OSBPL1A: variants seen among roughly 807,000 people sequenced by gnomAD.
OSBPL1A encodes the protein oxysterol binding protein like 1A.
In OSBPL1A, 80 loss-of-function variants were observed where a neutral mutation model predicts 137.1. The observed-to-expected ratio is 0.58, with a 90% confidence interval of 0.49 to 0.70. OSBPL1A has a LOEUF of 0.70. Among genes scored for constraint, OSBPL1A ranks in the 30% least tolerant of loss-of-function variants. OSBPL1A has a pLI of 0.00. For synonymous variants in OSBPL1A, 365 were observed against 389.7 expected (o/e 0.94, Z 0.75); for missense variants, 970 against 1,129.4 (o/e 0.86, Z 2.02).
At chr18:24,170,207 G>A (rs2086241522) in intron 24 of OSBPL1A, 120 bp downstream of exon 24, 1 of 1,136,396 alleles carries the variant, frequency 8.8e-7, no homozygotes, top group Non-Finnish European at 1.3e-6. Context: ...AAAGTGACAT[G>A]CATTAGCAAC....
intron 5 of OSBPL1A, among the ~76,000 whole-genome samples, chr18:24,334,887 T>C (rs2091147026): frequency 6.6e-6 from 1 of 152,152 alleles, no homozygotes; most frequent in East Asian, 1.9e-4. Flanking sequence ...CAGGACATTG[T>C]AGATGTATAT....
intron 17 of OSBPL1A, among the ~76,000 whole-genome samples, chr18:24,210,019 A>C (rs1298230458): frequency 6.6e-6 from 1 of 152,266 alleles, no homozygotes; most frequent in East Asian, 1.9e-4. Flanking sequence ...TATAAAAATT[A>C]TACTGCAACC....
At chr18:24,237,741 A>C (rs1012825034) in intron 16 of OSBPL1A, among the ~76,000 whole-genome samples, 2 of 152,194 alleles carry the variant, frequency 1.3e-5, no homozygotes, top group South Asian at 2.1e-4. Context: ...CCCATAGAAG[A>C]AGCGCCACTG....
intron 4 of OSBPL1A, among the ~76,000 whole-genome samples, chr18:24,343,470 C>A (rs951462314): frequency 6.6e-6 from 1 of 152,074 alleles, no homozygotes; most frequent in Admixed American, 6.6e-5. Context: ...AACAGAAAAT[C>A]CCATCCTAAA....
At chr18:24,243,142 G>T (rs1008513607) in intron 15 of OSBPL1A, among the ~76,000 whole-genome samples, 1 of 152,046 alleles carries the variant, frequency 6.6e-6, no homozygotes, top group Non-Finnish European at 1.5e-5. Flanking sequence ...CAGAAGAATC[G>T]CTTGAACCCT....
At chr18:24,277,149 G>A (rs138965765) in intron 15 of OSBPL1A, among the ~76,000 whole-genome samples, 2 of 152,180 alleles carry the variant, frequency 1.3e-5, no homozygotes, top group East Asian at 3.9e-4. Context: ...CAGGCCATTT[G>A]GTAGAAAAAC....
chr18:24,163,321 T>C (rs764669916), intron 27 of OSBPL1A, 40 bp from the exon 28 acceptor site: 3 of 1,439,462 alleles, frequency 2.1e-6, no homozygotes, highest in South Asian at 1.2e-5. Flanking sequence ...GGGGAAACTA[T>C]GGAAAATCAC....
At chr18:24,179,691 C>T in intron 20 of OSBPL1A, 47 bp downstream of exon 20, 1 of 1,489,900 alleles carries the variant, frequency 6.7e-7, no homozygotes, top group Non-Finnish European at 9.4e-7. Flanking sequence ...TGTATTTCTC[C>T]TCTTCATCTG....
intron 14 of OSBPL1A, among the ~76,000 whole-genome samples, chr18:24,303,012 T>TGA (rs898149555): frequency 1.3e-5 from 2 of 151,974 alleles, no homozygotes; most frequent in South Asian, 2.1e-4. Flanking sequence ...TCTGTGTGTG[T>TGA]GAGAGAGAGA....
chr18:24,337,961 A>G (rs2091203939), intron 5 of OSBPL1A, among the ~76,000 whole-genome samples: 1 of 152,130 alleles, frequency 6.6e-6, no homozygotes, highest in African/African-American at 2.4e-5. Flanking sequence ...AATATGTAAC[A>G]GTCTCAACCA....
Position 24,225,075 on chromosome 18 carries a change from C to T in OSBPL1A, c.1568G>A (p.Gly523Glu). The stretch of plus-strand genomic sequence containing the variant: ...CTTGATGCCATTGGAGAGAGCATCT[C>T]CGCCACCACAGTCTTTTTCTTCGGA... ...RMSEEKDCGG[G>E]DALSNGIKKH... The change falls in exon 17 of 28, where the codon GGA (glycine) becomes GAA (glutamate). Residue 523 changes from glycine to glutamate, a missense_variant. Physicochemically the swap from Gly to Glu is moderately conservative, Grantham distance 98. Transcript: ENST00000319481. 1 of 1,614,176 alleles carries T rather than the reference C, an allele frequency of 6.2e-7. No individual in the cohort carries two copies. Among genetic ancestry groups the T allele is most frequent in the Non-Finnish European group, 8.5e-7 (1 of 1,180,018 alleles).
chr18:24,354,080 T>A (rs867707773), intron 4 of OSBPL1A, among the ~76,000 whole-genome samples: 55 of 151,362 alleles, frequency 3.6e-4, no homozygotes, highest in South Asian at 4.2e-4. Context: ...TAATAAAATT[T>A]AAAAAAAGAA....
chr18:24,248,788 G>C (rs1203228691), intron 15 of OSBPL1A, among the ~76,000 whole-genome samples: 1 of 152,174 alleles, frequency 6.6e-6, no homozygotes, highest in Non-Finnish European at 1.5e-5. Context: ...TTATAAGCAA[G>C]GTGATAATGA....
Position 24,281,065 on chromosome 18 carries a change from C to G in OSBPL1A, c.1175-117G>C. On this transcript the variant is annotated intron_variant, in intron 14 of 27. Coordinates refer to ENST00000319481, the MANE Select transcript of OSBPL1A (RefSeq NM_080597.4). ...CATCTTTCCATCTAGCTATCTTAAGCAAAACATATCATGTTTCTTTTCTTT... is the reference window on the plus strand; with the variant it reads ...CATCTTTCCATCTAGCTATCTTAAGGAAAACATATCATGTTTCTTTTCTTT... The G allele has an allele frequency of 2.3e-5, 13 of 570,644 alleles. No individual in the cohort carries two copies. In the South Asian group the frequency reaches 3.2e-4, roughly 14 times the overall value. 35.3% of individuals were successfully genotyped at this position (570,644 alleles called of 1,614,324 possible). A position where few individuals can be genotyped will look rare whatever the true frequency, so the allele number is the denominator to read the frequency against.
At chr18:24,203,690 A>T (rs1193360638) in intron 17 of OSBPL1A, among the ~76,000 whole-genome samples, 1 of 152,176 alleles carries the variant, frequency 6.6e-6, no homozygotes, top group Non-Finnish European at 1.5e-5. Context: ...AGAAGCTGGC[A>T]TCTATTTTTC....
intron 19 of OSBPL1A, among the ~76,000 whole-genome samples, chr18:24,180,481 G>GTGTGTGTA (rs67402123): frequency 0.47 from 69,681 of 149,798 alleles, 19,075 homozygotes; most frequent in Non-Finnish European, 0.61. Flanking sequence ...GTGTGTGTGT[G>GTGTGTGTA]TGTATGTGTT....
rs762771282 is a variant in OSBPL1A at position 24,318,614 on chromosome 18, C to T, written c.719G>A (p.Gly240Asp). The T allele has an allele frequency of 1.3e-5, 21 of 1,609,544 alleles. No homozygotes were observed. The Admixed American group carries it at 3.4e-4, about 26-fold the overall frequency. Reference sequence around the variant, plus strand: ...ACCTCAACTTACCTTCCAGAGAGGGCCCTCATATCGTTTCAATGCTTTGTA... The same window carrying T: ...ACCTCAACTTACCTTCCAGAGAGGGTCCTCATATCGTTTCAATGCTTTGTA... ...VIYKALKRYE[G>D]PLWKSSRFFG... Residue 240 changes from glycine to aspartate, a missense_variant, in exon 9 of 28, where the codon GGC becomes GAC. Gly to Asp is a moderately conservative substitution (Grantham distance 94). This residue lies in a region of OSBPL1A where 647 missense variants were observed against 672.6 expected (regional missense o/e 0.96). Transcript: ENST00000319481.
intron 26 of OSBPL1A, among the ~76,000 whole-genome samples, chr18:24,165,754 A>C (rs1294718411): frequency 1.3e-5 from 2 of 152,164 alleles, no homozygotes; most frequent in Non-Finnish European, 2.9e-5. Context: ...TTGGGGGGAA[A>C]AATGCCCCCC....
intron 15 of OSBPL1A, among the ~76,000 whole-genome samples, chr18:24,253,164 TGG>T (rs1491224559): frequency 1.4e-4 from 8 of 58,060 alleles, no homozygotes; most frequent in South Asian, 8.6e-4. Flanking sequence ...TGAAAAGACA[TGG>T]CGGGGGGGGG....
Sources: allele counts gnomAD v4.1 joint callset (sites outside exome capture counted in the v4.1 genomes callset), GRCh38; gene constraint gnomAD v4.1.1; regional missense constraint gnomAD v4.1.1; transcripts MANE v1.5; gene names NCBI Gene and HGNC (gene_info 2026-07-23, HGNC 2026-07-21).